CSMD3: variants seen among roughly 807,000 people sequenced by gnomAD.
CSMD3 encodes the protein CUB and sushi domain-containing protein 3.
In CSMD3, 177 loss-of-function variants were observed where a neutral mutation model predicts 435.2. The observed-to-expected ratio is 0.41, with a 90% confidence interval of 0.36 to 0.46. The LOEUF (loss-of-function observed/expected upper bound fraction) is 0.46, where lower values mean the gene tolerates loss of function less well. Among genes scored for constraint, CSMD3 ranks in the 20% least tolerant of loss-of-function variants. The probability of loss-of-function intolerance (pLI) is 0.34; values close to 1 mark genes in which losing one functional copy is unlikely to be tolerated. For synonymous variants in CSMD3, 1,656 were observed against 1,520.5 expected, an observed-to-expected ratio of 1.09 and a Z score of -2.07; for missense variants, 4,265 against 4,504.6, an observed-to-expected ratio of 0.95 and a Z score of 1.52.
chr8:113,081,925 C>T (rs568876659), intron 5 of CSMD3, among the ~76,000 whole-genome samples: 2 of 152,276 alleles, frequency 1.3e-5, no homozygotes, highest in Non-Finnish European at 2.9e-5. Flanking sequence ...GTACCCGGAC[C>T]TGCAGCTGCC....
chr8:112,846,330 C>G (rs550431565), intron 11 of CSMD3, among the ~76,000 whole-genome samples: 1 of 147,182 alleles, frequency 6.8e-6, no homozygotes, highest in Non-Finnish European at 1.5e-5. Flanking sequence ...TTTCCTTTCT[C>G]TTTTTCTTTC....
intron 22 of CSMD3, among the ~76,000 whole-genome samples, chr8:112,635,949 A>G (rs1176112238): frequency 6.6e-6 from 1 of 152,120 alleles, no homozygotes; most frequent in Non-Finnish European, 1.5e-5. Flanking sequence ...CCACAATTAG[A>G]TTTATAATTA....
chr8:113,263,387 T>C (rs1444787286), intron 3 of CSMD3, among the ~76,000 whole-genome samples: 2 of 152,018 alleles, frequency 1.3e-5, no homozygotes, highest in Non-Finnish European at 2.9e-5. Context: ...TTCTGAATAA[T>C]TCTAAAGTCC....
intron 7 of CSMD3, 77 bp downstream of exon 7, chr8:112,975,760 A>G: frequency 6.2e-7 from 1 of 1,606,868 alleles, no homozygotes; most frequent in South Asian, 1.1e-5. Flanking sequence ...CTTTCAGCTC[A>G]TTCTCTAATT....
At chr8:113,030,371 C>G (rs10104842) in intron 5 of CSMD3, among the ~76,000 whole-genome samples, 81,938 of 139,068 alleles carry the variant, frequency 0.59, 25,246 homozygotes, top group East Asian at 0.95. Context: ...TACCTGATTT[C>G]AAACTACAGT....
Position 112,335,415 on chromosome 8 carries a change from T to G in CSMD3, c.7079A>C (p.Glu2360Ala). The change falls in exon 45 of 71, where the codon GAA becomes GCA. Residue 2360 changes from glutamate (E) to alanine (A), a missense_variant. Coordinates refer to ENST00000297405, the MANE Select transcript of CSMD3 (RefSeq NM_198123.2). ...IGQFSGNTAL[E>A]SVYSTSNQIL... The stretch of plus-strand genomic sequence containing the variant: ...CTGATTTGAAGTACTGTAGACTGAT[T>G]CCAAAGCGGTATTGCCACTGAACTG... 1.2e-6 allele frequency: 2 copies of G among 1,613,972 alleles called. No individual in the cohort carries two copies. The highest frequency in any genetic ancestry group is 1.7e-6 in the Non-Finnish European group (2 of 1,179,910).
intron 5 of CSMD3, among the ~76,000 whole-genome samples, chr8:113,083,548 C>T (rs952255556): frequency 2.0e-5 from 3 of 151,682 alleles, no homozygotes; most frequent in African/African-American, 7.3e-5. Flanking sequence ...ACAATATCTA[C>T]CATCATGAAA....
intron 1 of CSMD3, among the ~76,000 whole-genome samples, chr8:113,407,281 A>C (rs2094536811): frequency 6.6e-6 from 1 of 152,120 alleles, no homozygotes; most frequent in Admixed American, 6.6e-5. Context: ...CACTATGTAA[A>C]ACTTAGTTTT....
intron 3 of CSMD3, among the ~76,000 whole-genome samples, chr8:113,250,693 G>T (rs1463893347): frequency 6.6e-6 from 1 of 152,084 alleles, no homozygotes; most frequent in Non-Finnish European, 1.5e-5. Flanking sequence ...ACATTCAAAA[G>T]CTTGTTAGTA....
Position 113,018,857 on chromosome 8 carries a change from T to C in CSMD3, c.1030+210A>G, listed in dbSNP as rs1018401218. On this transcript the variant is annotated intron_variant, in intron 6 of 70. Transcript: ENST00000297405. ...TACCTTTTAGAAATCATAATATTCA[T>C]TATTCTGAATATTATACTATAAAAT... is the stretch of plus-strand genomic sequence containing the variant. 10 of 558,332 alleles carry C rather than the reference T, an allele frequency of 1.8e-5. No individual in the cohort carries two copies. The Admixed American group carries it at 3.2e-4, about 18-fold the overall frequency. 34.6% of individuals were successfully genotyped at this position (558,332 alleles called of 1,614,324 possible). A position where few individuals can be genotyped will look rare whatever the true frequency, so the allele number is the denominator to read the frequency against.
intron 5 of CSMD3, among the ~76,000 whole-genome samples, chr8:113,077,194 C>A (rs577670183): frequency 6.6e-6 from 1 of 151,984 alleles, no homozygotes; most frequent in Non-Finnish European, 1.5e-5. Flanking sequence ...ACTGTGATAT[C>A]ATACTATAGT....
chr8:113,297,040 T>C (rs1303268362), intron 2 of CSMD3, among the ~76,000 whole-genome samples: 1 of 152,180 alleles, frequency 6.6e-6, no homozygotes, highest in Non-Finnish European at 1.5e-5. Flanking sequence ...TCCTTTCTTG[T>C]ATGCTGTAAG....
chr8:113,256,547 T>G (rs2093382356), intron 3 of CSMD3, among the ~76,000 whole-genome samples: 1 of 152,216 alleles, frequency 6.6e-6, no homozygotes, highest in Admixed American at 6.5e-5. Context: ...AAATATTGCA[T>G]AACTTTACAA....
At chr8:113,349,601 G>A (rs557105249) in intron 1 of CSMD3, among the ~76,000 whole-genome samples, 113 of 152,110 alleles carry the variant, frequency 7.4e-4, no homozygotes, top group Non-Finnish European at 1.3e-3. Context: ...GGGCAACACA[G>A]TGAGAACCCA....
chr8:112,447,179 G>A (rs1563545482), intron 32 of CSMD3, among the ~76,000 whole-genome samples: 1 of 151,678 alleles, frequency 6.6e-6, no homozygotes. Context: ...TGAGCCTTTG[G>A]ATAAATATTC....
At position 112,859,256 on chromosome 8, in the gene CSMD3, A is replaced by G. The variant is rs372953689; in HGVS notation, c.1644T>C (p.Cys548=). The G allele has an allele frequency of 3.5e-5, 56 of 1,610,994 alleles. No homozygotes were observed. The highest frequency in any genetic ancestry group is 3.2e-5 in the Non-Finnish European group (38 of 1,177,676). ...CACTTGGTCCTTGAAGATTAGAGCC[A>G]CACGTTTTCACTAAAAGAGAAATTG... ...DHRPVCKVKT[C]GSNLQGPSGT... is the part of the protein sequence containing the mutation. Residue 548 remains cysteine (C), a synonymous_variant, in exon 11 of 71, where the codon TGT becomes TGC. Coordinates refer to ENST00000297405, the MANE Select transcript of CSMD3 (RefSeq NM_198123.2).
intron 13 of CSMD3, among the ~76,000 whole-genome samples, chr8:112,698,446 T>C (rs562894973): frequency 4.6e-4 from 61 of 133,618 alleles, no homozygotes; most frequent in African/African-American, 1.8e-3. Flanking sequence ...GAAACAAGTA[T>C]ATTGAGTACC....
At chr8:112,523,200 T>G (rs1297859009) in intron 27 of CSMD3, among the ~76,000 whole-genome samples, 2 of 151,922 alleles carry the variant, frequency 1.3e-5, no homozygotes. Context: ...GCAGGAGACT[T>G]AGACTTAGTG....
At chr8:112,681,043 T>TG in intron 16 of CSMD3, among the ~76,000 whole-genome samples, 1 of 151,084 alleles carries the variant, frequency 6.6e-6, no homozygotes, top group East Asian at 1.9e-4. Context: ...CTTTTTCTTT[T>TG]TTTTTTTTTT....
Sources: gnomAD v4.1 joint callset for allele counts (sites outside exome capture counted in the v4.1 genomes callset) on GRCh38, gnomAD v4.1.1 for gene constraint, MANE v1.5 for transcripts, NCBI Gene and HGNC (gene_info 2026-07-23, HGNC 2026-07-21) for gene names.